The following LUZP2 variants were observed in gnomAD, a reference collection of about 807,000 sequenced individuals.
LUZP2 encodes the protein leucine zipper protein 2.
Under a neutral mutation model 51.6 loss-of-function variants are expected in LUZP2, and 52 were observed. The observed-to-expected ratio is 1.01, with a 90% CI of 0.81 to 1.27. The LOEUF (loss-of-function observed/expected upper bound fraction) is 1.27. LUZP2 is among the 50% of genes most tolerant of loss of function. The pLI, the probability that LUZP2 is intolerant of heterozygous loss-of-function variation, is 0.00. For missense variants in LUZP2, 436 were observed against 395.4 expected (o/e 1.10, Z -0.87); for synonymous variants, 154 against 137.3 (o/e 1.12, Z -0.85).
chr11:24,947,151 A>G (rs1854924018), intron 7 of LUZP2, among the ~76,000 whole-genome samples: 1 of 152,050 alleles, frequency 6.6e-6, no homozygotes, highest in South Asian at 2.1e-4. Flanking sequence ...TTTGTATATT[A>G]CATGTATTAA....
At chr11:24,825,724 CG>C (rs145789000) in intron 5 of LUZP2, among the ~76,000 whole-genome samples, 6,810 of 151,974 alleles carry the variant, frequency 0.045, 317 homozygotes, top group East Asian at 0.13. Flanking sequence ...TTACTTATTT[CG>C]ACAGAAATCC....
chr11:24,576,412 CAAAAAAAA>C (rs10549188), intron 1 of LUZP2, among the ~76,000 whole-genome samples: 1 of 75,160 alleles, frequency 1.3e-5, no homozygotes, highest in Admixed American at 1.9e-4. Context: ...GACTCCATCT[CAAAAAAAA>C]AAAAAAAAAA....
At chr11:24,998,883 A>C (rs1345437474) in intron 9 of LUZP2, among the ~76,000 whole-genome samples, 1 of 152,130 alleles carries the variant, frequency 6.6e-6, no homozygotes, top group Non-Finnish European at 1.5e-5. Flanking sequence ...ATAACTAAAA[A>C]CAGTTACTTC....
chr11:25,036,615 A>G (rs1309447651), intron 9 of LUZP2, among the ~76,000 whole-genome samples: 1 of 152,018 alleles, frequency 6.6e-6, no homozygotes, highest in Non-Finnish European at 1.5e-5. Flanking sequence ...TTAAGATTAA[A>G]CTTTCCTCAA....
At chr11:24,903,989 T>A (rs1021723562) in intron 5 of LUZP2, among the ~76,000 whole-genome samples, 2 of 152,174 alleles carry the variant, frequency 1.3e-5, no homozygotes, top group African/African-American at 4.8e-5. Flanking sequence ...TTGATATATA[T>A]CCAGTAATGG....
At chr11:24,843,004 AC>A (rs1851084060) in intron 5 of LUZP2, among the ~76,000 whole-genome samples, 1 of 151,914 alleles carries the variant, frequency 6.6e-6, no homozygotes, top group African/African-American at 2.4e-5. Context: ...AAGCTACTGA[AC>A]AAAAGAAAAA....
At chr11:24,870,221 A>C (rs10767264) in intron 5 of LUZP2, among the ~76,000 whole-genome samples, 1 of 152,038 alleles carries the variant, frequency 6.6e-6, no homozygotes, top group African/African-American at 2.4e-5. Flanking sequence ...AAAGCTGAGA[A>C]AGTCCCAATA....
intron 1 of LUZP2, among the ~76,000 whole-genome samples, chr11:24,497,705 T>G (rs1308113238): frequency 6.6e-6 from 1 of 152,156 alleles, no homozygotes; most frequent in Non-Finnish European, 1.5e-5. Context: ...CCATAGAGCT[T>G]CTCCCTTCCC....
intron 9 of LUZP2, among the ~76,000 whole-genome samples, chr11:25,036,283 G>T (rs1565262347): frequency 6.6e-6 from 1 of 152,004 alleles, no homozygotes; most frequent in African/African-American, 2.4e-5. Context: ...AGTCTTTGAG[G>T]ATGTTTTATA....
intron 3 of LUZP2, among the ~76,000 whole-genome samples, chr11:24,732,767 A>G (rs1387887302): frequency 4.0e-5 from 6 of 151,778 alleles, no homozygotes; most frequent in Non-Finnish European, 8.9e-5. Flanking sequence ...GTATTTTAAT[A>G]TGGAAACAAC....
chr11:24,835,414 CT>C (rs1430101254), intron 5 of LUZP2, among the ~76,000 whole-genome samples: 7 of 152,212 alleles, frequency 4.6e-5, no homozygotes, highest in African/African-American at 1.7e-4. Flanking sequence ...GACTTCATGA[CT>C]AAAACACCAA....
At chr11:24,554,721 G>A (rs369312133) in intron 1 of LUZP2, among the ~76,000 whole-genome samples, 58 of 27,404 alleles carry the variant, frequency 2.1e-3, no homozygotes, top group African/African-American at 7.1e-3. Context: ...TTTTTGGTAA[G>A]GACTACCAGA....
chr11:24,837,102 C>G (rs1850883456), intron 5 of LUZP2, among the ~76,000 whole-genome samples: 1 of 151,658 alleles, frequency 6.6e-6, no homozygotes, highest in South Asian at 2.1e-4. Context: ...ATGTAATTTC[C>G]TCTGTGTCCT....
chr11:24,935,608 A>G (rs187304798), intron 7 of LUZP2, among the ~76,000 whole-genome samples: 22 of 152,280 alleles, frequency 1.4e-4, no homozygotes, highest in Admixed American at 1.4e-3. Flanking sequence ...TCTCATCTCT[A>G]TTAAAATATA....
intron 7 of LUZP2, among the ~76,000 whole-genome samples, chr11:24,950,148 A>C (rs1276464354): frequency 6.6e-6 from 1 of 151,258 alleles, no homozygotes; most frequent in East Asian, 1.9e-4. Flanking sequence ...ATAATAGAAT[A>C]TAGGGTAGTG....
At chr11:24,515,222 T>A (rs1850427625) in intron 1 of LUZP2, among the ~76,000 whole-genome samples, 1 of 152,164 alleles carries the variant, frequency 6.6e-6, no homozygotes, top group Non-Finnish European at 1.5e-5. Context: ...AACCGTATAC[T>A]GTGCCTAGCA....
intron 5 of LUZP2, chr11:24,892,220 T>A: frequency 1.0e-6 from 1 of 985,576 alleles, no homozygotes. Flanking sequence ...AAATGTGTAT[T>A]TCTCCCAGAT....
At chr11:24,800,125 GT>G (rs1315551179) in intron 5 of LUZP2, among the ~76,000 whole-genome samples, 1 of 151,740 alleles carries the variant, frequency 6.6e-6, no homozygotes, top group Non-Finnish European at 1.5e-5. Context: ...CCCCACCCTT[GT>G]TTTTTTAGGG....
At chr11:24,673,787 A>G (rs949345432) in intron 1 of LUZP2, among the ~76,000 whole-genome samples, 5 of 152,228 alleles carry the variant, frequency 3.3e-5, no homozygotes, top group African/African-American at 1.2e-4. Flanking sequence ...AGTTGAGGGC[A>G]AGGCATTAGC....
Sources: gnomAD v4.1 joint callset for allele counts (sites outside exome capture counted in the v4.1 genomes callset) on GRCh38, gnomAD v4.1.1 for gene constraint, MANE v1.5 for transcripts, NCBI Gene and HGNC (gene_info 2026-07-23, HGNC 2026-07-21) for gene names.